The following KLF3 variants were observed in gnomAD, a reference collection of about 807,000 sequenced individuals.
KLF3 encodes KLF transcription factor 3.
KLF3 carries 6 observed loss-of-function variants against 32.7 expected under a neutral mutation model. That is an observed-to-expected ratio of 0.18 (90% confidence interval 0.10 to 0.36). KLF3 has a LOEUF of 0.36. Among genes scored for constraint, KLF3 ranks in the 10% least tolerant of loss-of-function variants. The probability of loss-of-function intolerance (pLI) is 1.00; values close to 1 mark genes in which losing one functional copy is unlikely to be tolerated. For missense variants in KLF3, 338 were observed against 449.7 expected (o/e 0.75, Z 2.25); for synonymous variants, 145 against 172.8 (o/e 0.84, Z 1.26).
chr4:38,695,549 T>C (rs906869872), intron 5 of KLF3, among the ~76,000 whole-genome samples: 4 of 152,190 alleles, frequency 2.6e-5, no homozygotes, highest in African/African-American at 9.6e-5. Flanking sequence ...AACATTTTGG[T>C]AGTAAAACAT....
At chr4:38,677,947 G>A (rs1474576305) in intron 1 of KLF3, among the ~76,000 whole-genome samples, 6 of 151,500 alleles carry the variant, frequency 4.0e-5, no homozygotes. Flanking sequence ...CTAAATCCTT[G>A]AGAAGCAGAT....
intron 2 of KLF3, among the ~76,000 whole-genome samples, chr4:38,684,715 C>T (rs909182169): frequency 6.6e-6 from 1 of 151,614 alleles, no homozygotes; most frequent in African/African-American, 2.4e-5. Context: ...CACCATGCCC[C>T]GCTACATTTT....
At chr4:38,684,121 C>T (rs1403154210) in intron 2 of KLF3, among the ~76,000 whole-genome samples, 1 of 152,290 alleles carries the variant, frequency 6.6e-6, no homozygotes, top group Admixed American at 6.5e-5. Context: ...ATTCCGTCCA[C>T]TGAAACTGTC....
At chr4:38,666,918 C>G (rs1336260826) in intron 1 of KLF3, among the ~76,000 whole-genome samples, 1 of 152,216 alleles carries the variant, frequency 6.6e-6, no homozygotes, top group Non-Finnish European at 1.5e-5. Flanking sequence ...AATCATTACC[C>G]TAACTCGGAA....
At chr4:38,686,242 C>T (rs892454634) in intron 2 of KLF3, among the ~76,000 whole-genome samples, 2 of 151,796 alleles carry the variant, frequency 1.3e-5, no homozygotes, top group Non-Finnish European at 1.5e-5. Flanking sequence ...CCCAAGAGTA[C>T]GAGACCAGCC....
chr4:38,665,635 C>T (rs1035082251), intron 1 of KLF3, among the ~76,000 whole-genome samples: 3 of 152,164 alleles, frequency 2.0e-5, no homozygotes, highest in Admixed American at 1.3e-4. Context: ...TAATATCACC[C>T]AAGACATTTT....
rs966077722 is a variant in KLF3, at chr4:38,700,205, A to G, written c.*2942A>G. ...AGCATAGCTATATTCAACTAGGGAG[A>G]TGCTAAATACACAGAAGTTTCAAGA... On this transcript the variant is annotated 3_prime_UTR_variant, in exon 6 of 6. Coordinates refer to ENST00000261438, the MANE Select transcript of KLF3 (RefSeq NM_016531.6). 1 of 152,176 alleles carries G rather than the reference A, an allele frequency of 6.6e-6. No homozygotes were observed. Among genetic ancestry groups the G allele is most frequent in the African/African-American group, 2.4e-5 (1 of 41,448 alleles). 9.4% of individuals were successfully genotyped at this position (152,176 alleles called of 1,614,324 possible).
chr4:38,684,488 C>G (rs561161815), intron 2 of KLF3, among the ~76,000 whole-genome samples: 1 of 150,020 alleles, frequency 6.7e-6, no homozygotes, highest in Non-Finnish European at 1.5e-5. Context: ...ACGGAAATAA[C>G]TCTTATAGCA....
rs761866080 is a variant in KLF3 at position 38,671,854 on chromosome 4, C to A, written c.-40+7393C>A. The stretch of plus-strand genomic sequence containing the variant: ...CACTTAGCCCCTTGCCTTCCTTGAT[C>A]CCTTTTCAAAAACCTGTGTTTGTGC... On this transcript the variant is annotated intron_variant, in intron 1 of 5. Coordinates refer to ENST00000261438, the MANE Select transcript of KLF3 (RefSeq NM_016531.6). This position sits in a 1 kb window ranked among gnomAD's most constrained non-coding sequence, Gnocchi z 4.4. 1.3e-5 allele frequency among the ~76,000 whole-genome samples: 2 copies of A among 152,166 alleles called. No homozygotes were observed. Among genetic ancestry groups the A allele is most frequent in the African/African-American group, 4.8e-5 (2 of 41,418 alleles).
chr4:38,664,397 C>T lies in KLF3; in HGVS notation c.-104C>T, dbSNP rs946336942. On this transcript the variant is annotated 5_prime_UTR_variant, in exon 1 of 6. Transcript: ENST00000261438. Reference sequence around the variant, plus strand: ...CCCTGACATTGCTGCGCTCGGGGGGCTCCAGGCAGCCCGTATCGGGGCCTT... The same window carrying T: ...CCCTGACATTGCTGCGCTCGGGGGGTTCCAGGCAGCCCGTATCGGGGCCTT... 6.6e-6 allele frequency: 1 copy of T among 152,120 alleles called. No individual in the cohort carries two copies. Among genetic ancestry groups the T allele is most frequent in the African/African-American group, 2.4e-5 (1 of 41,432 alleles). 9.4% of individuals were successfully genotyped at this position (152,120 alleles called of 1,614,324 possible).
intron 4 of KLF3, 102 bp downstream of exon 4, chr4:38,689,981 C>A: frequency 8.2e-7 from 1 of 1,225,282 alleles, no homozygotes; most frequent in Non-Finnish European, 1.1e-6. Context: ...TGTGGATGAC[C>A]AGGAACGGCT....
chr4:38,687,326 A>G (rs751824315), intron 2 of KLF3, among the ~76,000 whole-genome samples: 7 of 152,234 alleles, frequency 4.6e-5, no homozygotes, highest in Admixed American at 2.0e-4. Flanking sequence ...TAATTTTTTT[A>G]AATTAAAAAT....
intron 4 of KLF3, among the ~76,000 whole-genome samples, chr4:38,692,483 A>G (rs1228872617): frequency 1.3e-5 from 2 of 152,250 alleles, no homozygotes; most frequent in African/African-American, 4.8e-5. Context: ...TTTGAACCTG[A>G]AAATATTCAT....
intron 4 of KLF3, among the ~76,000 whole-genome samples, chr4:38,691,840 AG>A (rs1365956611): frequency 6.6e-6 from 1 of 152,216 alleles, no homozygotes; most frequent in Non-Finnish European, 1.5e-5. Context: ...CAGCCCACGT[AG>A]GAAACCAGCT....
At chr4:38,689,118 GGC>G (rs1579129355) in intron 3 of KLF3, 47 bp downstream of exon 3, 4 of 1,598,216 alleles carry the variant, frequency 2.5e-6, no homozygotes, top group Middle Eastern at 1.7e-4. Flanking sequence ...TTAGCGTACT[GGC>G]GCTTCACCAG....
chr4:38,675,531 G>C (rs1722317353), intron 1 of KLF3, among the ~76,000 whole-genome samples: 1 of 152,078 alleles, frequency 6.6e-6, no homozygotes, highest in Non-Finnish European at 1.5e-5. Context: ...TTTATGATTG[G>C]AAAATAGTCG....
In KLF3 at chr4:38,698,848, C is replaced by G. The variant is rs940989577; in HGVS notation, c.*1585C>G. 6.6e-6 allele frequency: 1 copy of G among 152,150 alleles called. No individual in the cohort carries two copies. The highest frequency in any genetic ancestry group is 1.5e-5 in the Non-Finnish European group (1 of 68,032). The allele number at this position is 152,150 out of a possible 1,614,324, so 9.4% of individuals were successfully genotyped here. ...AAATGTGGGTGCATATAACCAAATT[C>G]CCCTTCATCAAGAATGGAGGAGAAG... On this transcript the variant is annotated 3_prime_UTR_variant, in exon 6 of 6. Transcript: ENST00000261438.
intron 2 of KLF3, among the ~76,000 whole-genome samples, chr4:38,685,228 T>C (rs1238932139): frequency 6.6e-6 from 1 of 152,164 alleles, no homozygotes; most frequent in African/African-American, 2.4e-5. Flanking sequence ...TGCAAAAGCT[T>C]GTGTGTGCCA....
chr4:38,664,927 T>G, intron 1 of KLF3: 1 of 139,238 alleles, frequency 7.2e-6, no homozygotes, highest in Non-Finnish European at 1.6e-5. Context: ...CTCCTCCCCC[T>G]CCCGGTGCCC....
Sources: gnomAD v4.1 joint callset for allele counts (sites outside exome capture counted in the v4.1 genomes callset) on GRCh38, gnomAD v4.1.1 for gene constraint, Gnocchi (gnomAD v3.1) non-coding constraint, MANE v1.5 for transcripts, NCBI Gene and HGNC (gene_info 2026-07-23, HGNC 2026-07-21) for gene names.